DLG2: variants seen among roughly 807,000 people sequenced by gnomAD.
The protein encoded by DLG2 is discs large MAGUK scaffold protein 2, also known as disks large homolog 2.
Under a neutral mutation model 132.5 loss-of-function variants are expected in DLG2, and 45 were observed. That is an observed-to-expected ratio of 0.34 (90% CI 0.27 to 0.44). The LOEUF (loss-of-function observed/expected upper bound fraction) is 0.44, where lower values mean the gene tolerates loss of function less well. Among genes scored for constraint, DLG2 ranks in the 20% least tolerant of loss-of-function variants. DLG2 has a pLI of 1.00. For missense variants in DLG2, 1,045 were observed against 1,196.9 expected (o/e 0.87, Z 1.87); for synonymous variants, 424 against 419.6 (o/e 1.01, Z -0.13).
chr11:84,165,621 C>T (rs1334024982), intron 8 of DLG2, among the ~76,000 whole-genome samples: 1 of 152,084 alleles, frequency 6.6e-6, no homozygotes, highest in Non-Finnish European at 1.5e-5. Context: ...ACAAAGCATC[C>T]CGGCTGGGTG....
At chr11:85,409,157 C>T (rs1266729565) in intron 3 of DLG2, among the ~76,000 whole-genome samples, 1 of 151,892 alleles carries the variant, frequency 6.6e-6, no homozygotes, top group Admixed American at 6.6e-5. Context: ...AGTCTCACCA[C>T]CTTGAATATA....
At chr11:85,184,414 T>C (rs2079944294) in intron 4 of DLG2, among the ~76,000 whole-genome samples, 1 of 151,648 alleles carries the variant, frequency 6.6e-6, no homozygotes, top group Non-Finnish European at 1.5e-5. Context: ...GTTTCATTCG[T>C]TGCAATAAAT....
intron 17 of DLG2, chr11:83,790,219 G>T: frequency 1.1e-6 from 1 of 902,340 alleles, no homozygotes; most frequent in Non-Finnish European, 1.8e-6. Context: ...GATCAACTAT[G>T]GATGTATGCC....
Position 85,430,151 on chromosome 11 carries a change from T to C in DLG2, c.41-144786A>G, listed in dbSNP as rs550132401. On this transcript the variant is annotated intron_variant, in intron 3 of 27. Transcript: ENST00000376104. The stretch of plus-strand genomic sequence containing the variant: ...ACATGTTCTCACTCATAGGTGGAAA[T>C]TGAACAATGAGAGCACATGGACACA... Among the ~76,000 whole-genome samples the C allele has an allele frequency of 2.3e-4, 32 of 140,632 alleles. No individual in the cohort carries two copies. In the South Asian group the frequency reaches 5.5e-3, roughly 24 times the overall value. 92.3% of individuals were successfully genotyped at this position (140,632 alleles called of 152,430 possible).
chr11:83,747,298 TCC>T (rs2092981761), intron 18 of DLG2, among the ~76,000 whole-genome samples: 1 of 147,326 alleles, frequency 6.8e-6, no homozygotes, highest in Non-Finnish European at 1.5e-5. Context: ...CTTCCTTCCT[TCC>T]TTCCTTCCTT....
intron 6 of DLG2, among the ~76,000 whole-genome samples, chr11:84,808,823 A>C (rs2076266018): frequency 6.6e-6 from 1 of 151,972 alleles, no homozygotes; most frequent in South Asian, 2.1e-4. Flanking sequence ...AAAAATTCCC[A>C]AACAAAAAAA....
chr11:85,083,352 G>T (rs923522076), intron 6 of DLG2, among the ~76,000 whole-genome samples: 2 of 152,118 alleles, frequency 1.3e-5, no homozygotes, highest in East Asian at 3.9e-4. Flanking sequence ...TTTGTCAAAG[G>T]TCAGGGCCTC....
intron 7 of DLG2, among the ~76,000 whole-genome samples, chr11:84,502,407 T>C (rs551657884): frequency 9.2e-6 from 1 of 108,966 alleles, no homozygotes; most frequent in Non-Finnish European, 1.9e-5. Context: ...TCTTTCTTTC[T>C]TTCTTTCTAT....
At chr11:84,764,763 C>G (rs1199518055) in intron 6 of DLG2, among the ~76,000 whole-genome samples, 3 of 151,996 alleles carry the variant, frequency 2.0e-5, no homozygotes, top group Non-Finnish European at 4.4e-5. Context: ...TGAACATTGG[C>G]TACATTGTAG....
intron 6 of DLG2, among the ~76,000 whole-genome samples, chr11:84,636,670 T>C (rs1404871451): frequency 1.3e-5 from 2 of 152,312 alleles, no homozygotes; most frequent in East Asian, 1.9e-4. Flanking sequence ...TCAAATGTTA[T>C]ATTTATTTAT....
intron 6 of DLG2, among the ~76,000 whole-genome samples, chr11:84,609,882 G>T (rs1202634347): frequency 6.6e-6 from 1 of 151,984 alleles, no homozygotes; most frequent in Non-Finnish European, 1.5e-5. Flanking sequence ...AATATAATTT[G>T]GAAACAATCT....
chr11:85,373,310 T>C (rs916955829), intron 3 of DLG2, among the ~76,000 whole-genome samples: 2 of 152,178 alleles, frequency 1.3e-5, no homozygotes, highest in African/African-American at 2.4e-5. Flanking sequence ...GTTCTTGCAT[T>C]CAGGCCATCA....
At chr11:85,562,713 C>T (rs2153224051) in intron 3 of DLG2, among the ~76,000 whole-genome samples, 1 of 151,762 alleles carries the variant, frequency 6.6e-6, no homozygotes, top group South Asian at 2.1e-4. Context: ...CCCTAAAGCC[C>T]GATCATGGAC....
At chr11:85,058,611 G>A (rs567942628) in intron 6 of DLG2, among the ~76,000 whole-genome samples, 121 of 151,418 alleles carry the variant, frequency 8.0e-4, no homozygotes, top group African/African-American at 2.9e-3. Context: ...TCAAATTGTA[G>A]GACTTACACT....
intron 4 of DLG2, among the ~76,000 whole-genome samples, chr11:85,219,886 A>T (rs566346534): frequency 6.6e-6 from 1 of 151,814 alleles, no homozygotes; most frequent in Admixed American, 6.6e-5. Flanking sequence ...TTTGGAGAAC[A>T]GTACTCAAGC....
At chr11:83,647,602 CT>C (rs1400717399) in intron 18 of DLG2, 1 of 152,156 alleles carries the variant, frequency 6.6e-6, no homozygotes, top group Non-Finnish European at 1.5e-5. Flanking sequence ...CCCGTAAGTA[CT>C]TGGGTTTCTG....
chr11:84,824,188 A>G (rs1264884467), intron 6 of DLG2, among the ~76,000 whole-genome samples: 2 of 151,904 alleles, frequency 1.3e-5, no homozygotes, highest in South Asian at 2.1e-4. Flanking sequence ...AGCAAGAGAA[A>G]CACTAACTTC....
intron 9 of DLG2, among the ~76,000 whole-genome samples, chr11:84,145,040 A>T (rs1013235377): frequency 6.6e-6 from 1 of 152,148 alleles, no homozygotes; most frequent in African/African-American, 2.4e-5. Context: ...CAGATCCTAA[A>T]CTCGTACCCC....
chr11:84,376,900 A>C (rs1052736931), intron 7 of DLG2, among the ~76,000 whole-genome samples: 7 of 152,030 alleles, frequency 4.6e-5, no homozygotes, highest in African/African-American at 1.7e-4. Context: ...GATTAATGAC[A>C]GAATTAGAAA....
Sources: gnomAD v4.1 joint callset for allele counts (sites outside exome capture counted in the v4.1 genomes callset) on GRCh38, gnomAD v4.1.1 for gene constraint, MANE v1.5 for transcripts, NCBI Gene and HGNC (gene_info 2026-07-23, HGNC 2026-07-21) for gene names.